The following MAGED1 variants were observed in gnomAD, a reference collection of about 807,000 sequenced individuals.
The protein encoded by MAGED1 is MAGE family member D1, also known as melanoma-associated antigen D1.
In MAGED1, 3 loss-of-function variants were observed where a neutral mutation model predicts 54.1. The ratio of observed to expected loss-of-function variants is 0.06; its 90% confidence interval spans 0.03 to 0.14. The LOEUF (loss-of-function observed/expected upper bound fraction) is 0.14. MAGED1 is among the 10% of genes least tolerant of loss of function. The pLI is 1.00. For missense variants in MAGED1, 485 were observed against 623.4 expected (o/e 0.78, Z 2.36); for synonymous variants, 217 against 227.3 (o/e 0.95, Z 0.41).
chrX:51,809,706 T>A (rs1925153370), intron 1 of MAGED1, among the ~76,000 whole-genome samples: 1 of 111,335 alleles, frequency 9.0e-6, no homozygotes, highest in Non-Finnish European at 1.9e-5. Context: ...GATTGATTTG[T>A]CATTTCAGGG....
At chrX:51,849,228 C>T (rs1441510226) in intron 1 of MAGED1, among the ~76,000 whole-genome samples, 1 of 111,180 alleles carries the variant, frequency 9.0e-6, no homozygotes, top group Non-Finnish European at 1.9e-5. Context: ...ATACCAATTT[C>T]CTATATATAT....
chrX:51,817,932 A>G (rs1429828173), intron 1 of MAGED1, among the ~76,000 whole-genome samples: 2 of 112,217 alleles, frequency 1.8e-5, no homozygotes, highest in East Asian at 5.6e-4. Flanking sequence ...TTCCTCTTTT[A>G]TAAATTTTAT....
chrX:51,855,804 G>T (rs1383603961), intron 1 of MAGED1, among the ~76,000 whole-genome samples: 1 of 111,384 alleles, frequency 9.0e-6, no homozygotes, highest in Non-Finnish European at 1.9e-5. Context: ...AGGATTACAG[G>T]CATGAGCCCC....
At chrX:51,882,222 T>C in intron 1 of MAGED1, among the ~76,000 whole-genome samples, 1 of 112,122 alleles carries the variant, frequency 8.9e-6, no homozygotes, top group Middle Eastern at 4.6e-3. Flanking sequence ...GCTCTTGATG[T>C]TTTAGCAACT....
intron 1 of MAGED1, among the ~76,000 whole-genome samples, chrX:51,830,398 G>T (rs1557357310): frequency 9.0e-6 from 1 of 110,782 alleles, no homozygotes; most frequent in Admixed American, 9.6e-5. Context: ...AGAATGTTTA[G>T]TTTATTTCAT....
At chrX:51,883,803 A>G (rs1291142908) in intron 1 of MAGED1, among the ~76,000 whole-genome samples, 3 of 111,926 alleles carry the variant, frequency 2.7e-5, no homozygotes, top group Non-Finnish European at 3.8e-5. Flanking sequence ...AGATATAAAG[A>G]AAAATTAATA....
At chrX:51,836,568 A>G (rs1346706191) in intron 1 of MAGED1, among the ~76,000 whole-genome samples, 12 of 104,382 alleles carry the variant, frequency 1.1e-4, no homozygotes, top group African/African-American at 3.8e-4. Flanking sequence ...ACTAATGTGT[A>G]CTCTGTTTTT....
intron 1 of MAGED1, among the ~76,000 whole-genome samples, chrX:51,868,368 G>A (rs1347560451): frequency 3.6e-5 from 4 of 111,275 alleles, no homozygotes; most frequent in Non-Finnish European, 7.5e-5. Flanking sequence ...TGAGATATCA[G>A]GGAATGAGCA....
chrX:51,881,028 T>C (rs782603793), intron 1 of MAGED1, among the ~76,000 whole-genome samples: 102 of 111,171 alleles, frequency 9.2e-4, no homozygotes, highest in Non-Finnish European at 1.1e-3. Context: ...AGAAATATAC[T>C]TCTCACCATT....
chrX:51,894,313 G>C lies in MAGED1; in HGVS notation c.9G>C (p.Gln3His), dbSNP rs781923517. The change falls in exon 2 of 13, where the codon CAG (glutamine) becomes CAC (histidine). Residue 3 changes from glutamine to histidine, a missense_variant. Gln to His is a conservative substitution (Grantham distance 24). Around this residue, in one of 2 missense-constraint regions of MAGED1, gnomAD observed 299 missense variants for 293.1 expected, o/e 1.02. Coordinates refer to ENST00000326587, the MANE Select transcript of MAGED1 (RefSeq NM_006986.4). MA[Q>H]KMDCGAGLLG... ...CCAGAGGGACAGGAGCCATGGCTCA[G>C]AAAATGGACTGTGGTGCGGGCCTCC... is the stretch of plus-strand genomic sequence containing the variant. The C allele has an allele frequency of 1.7e-6, 2 of 1,203,524 alleles. No individual in the cohort carries two copies. The highest frequency in any genetic ancestry group is 3.6e-5 in the South Asian group (2 of 55,232).
chrX:51,893,974 C>G (rs1358246126), intron 1 of MAGED1, among the ~76,000 whole-genome samples: 1 of 109,122 alleles, frequency 9.2e-6, no homozygotes, highest in African/African-American at 3.3e-5. Flanking sequence ...TTAGATGATT[C>G]CTCCTGACTC....
chrX:51,852,944 A>T (rs1188132891), intron 1 of MAGED1, among the ~76,000 whole-genome samples: 5 of 112,002 alleles, frequency 4.5e-5, no homozygotes, highest in Admixed American at 3.8e-4. Context: ...CTTGTAAAGT[A>T]GTTGTGAAGA....
At chrX:51,810,019 C>G (rs182295507) in intron 1 of MAGED1, among the ~76,000 whole-genome samples, 1 of 111,138 alleles carries the variant, frequency 9.0e-6, no homozygotes, top group East Asian at 2.8e-4. Flanking sequence ...TCTTAGCAAC[C>G]GCCACTGTTT....
At chrX:51,894,126 C>T (rs1557363839) in intron 1 of MAGED1, 143 bp from the exon 2 acceptor site, 2 of 417,940 alleles carry the variant, frequency 4.8e-6, no homozygotes, top group Non-Finnish European at 8.5e-6. Flanking sequence ...TCCATCTGGA[C>T]GCCCATTCAC....
At chrX:51,828,789 G>C (rs1419702763) in intron 1 of MAGED1, among the ~76,000 whole-genome samples, 4 of 110,365 alleles carry the variant, frequency 3.6e-5, no homozygotes, top group African/African-American at 1.3e-4. Context: ...ACAGTAAAAA[G>C]AAAACAGGTG....
intron 1 of MAGED1, among the ~76,000 whole-genome samples, chrX:51,848,787 G>T (rs1376335285): frequency 8.9e-6 from 1 of 112,004 alleles, no homozygotes; most frequent in Non-Finnish European, 1.9e-5. Flanking sequence ...AATTTGCAGG[G>T]TTTGGGGGTT....
chrX:51,833,520 A>G (rs1233698389), intron 1 of MAGED1, among the ~76,000 whole-genome samples: 2 of 111,760 alleles, frequency 1.8e-5, no homozygotes, highest in African/African-American at 6.5e-5. Context: ...AATACTTGTA[A>G]CTAAATTATG....
chrX:51,856,482 A>G (rs1927089719), intron 1 of MAGED1, among the ~76,000 whole-genome samples: 3 of 112,495 alleles, frequency 2.7e-5, no homozygotes, highest in Admixed American at 1.9e-4. Flanking sequence ...ATTGATGACT[A>G]ACAAAATGGA....
chrX:51,885,913 G>T (rs1004689483), intron 1 of MAGED1, among the ~76,000 whole-genome samples: 2 of 110,653 alleles, frequency 1.8e-5, no homozygotes, highest in Non-Finnish European at 3.8e-5. Flanking sequence ...AGAAAATATG[G>T]TATATATGCA....
Sources: allele counts gnomAD v4.1 joint callset (sites outside exome capture counted in the v4.1 genomes callset), GRCh38; gene constraint gnomAD v4.1.1; regional missense constraint gnomAD v4.1.1; transcripts MANE v1.5; gene names NCBI Gene and HGNC (gene_info 2026-07-23, HGNC 2026-07-21).